The following TTN variants were observed in gnomAD, a reference collection of about 807,000 sequenced individuals.
The protein encoded by TTN is titin.
In TTN, 1,525 loss-of-function variants were observed where a neutral mutation model predicts 3,223.0. The observed-to-expected ratio is 0.47, with a 90% CI of 0.45 to 0.49. The LOEUF is 0.49. Among genes scored for constraint, TTN ranks in the 20% least tolerant of loss-of-function variants. TTN has a pLI of 0.00. For missense variants in TTN, 40,786 were observed against 43,424.0 expected (o/e 0.94, Z 5.40); for synonymous variants, 14,094 against 15,161.0 (o/e 0.93, Z 5.17).
At chr2:178,730,845 TTTTTG>T (rs2080337806) in intron 60 of TTN, 53 bp from the exon 61 acceptor site, 2 of 1,525,972 alleles carry the variant, frequency 1.3e-6, no homozygotes, top group African/African-American at 2.9e-5. Flanking sequence ...TACTAATTTG[TTTTTG>T]TTTTTTTTTT....
At chr2:178,652,574 G>A (rs1415475700) in intron 201 of TTN, 33 bp from the exon 202 acceptor site, 8 of 1,612,270 alleles carry the variant, frequency 5.0e-6, no homozygotes, top group Non-Finnish European at 6.8e-6. Context: ...ACATTTAGAA[G>A]TTATGAAGAC....
In TTN at chr2:178,577,711, G is replaced by A; in HGVS notation, c.68715C>T (p.Asp22905=). ...NVPECAFTVT[D]LVEGGKYEFR... Reference sequence around the variant, plus strand: ...ATTCATATTTTCCACCCTCAACAAGGTCAGTTACAGTAAAGGCACATTCTG... The same window carrying A: ...ATTCATATTTTCCACCCTCAACAAGATCAGTTACAGTAAAGGCACATTCTG... Residue 22905 remains aspartate (D), a synonymous_variant, in exon 323 of 363, where the codon GAC becomes GAT. Transcript: ENST00000589042. 6.2e-7 allele frequency: 1 copy of A among 1,613,282 alleles called. No individual in the cohort carries two copies. Among genetic ancestry groups the A allele is most frequent in the Non-Finnish European group, 8.5e-7 (1 of 1,179,554 alleles).
rs2057387572 is a variant in TTN, at chr2:178,616,615, G to A, written c.48176C>T (p.Pro16059Leu). 1 of 1,611,822 alleles carries A rather than the reference G, an allele frequency of 6.2e-7. No homozygotes were observed. Among genetic ancestry groups the A allele is most frequent in the African/African-American group, 1.3e-5 (1 of 74,680 alleles). Reference protein sequence around the residue: ...DVNVIARPSAPKELKFGDITK... With the variant: ...DVNVIARPSALKELKFGDITK... ...TATATCACCAAATTTCAATTCTTTG[G>A]GTGCACTTGGGCGAGCTGAAAAAAA... Residue 16059 changes from proline (P) to leucine (L), a missense_variant, in exon 257 of 363, where the codon CCC becomes CTC. By Grantham distance (98) the Pro-to-Leu change is moderately conservative. Transcript: ENST00000589042.
Position 178,725,593 on chromosome 2 carries a change from C to T in TTN, c.20611G>A (p.Ala6871Thr), listed in dbSNP as rs745807060. 1.2e-6 allele frequency: 2 copies of T among 1,610,808 alleles called. No individual in the cohort carries two copies. Among genetic ancestry groups the T allele is most frequent in the African/African-American group, 2.7e-5 (2 of 74,778 alleles). Residue 6871 changes from alanine to threonine, a missense_variant, in exon 71 of 363, where the codon GCT becomes ACT. Ala to Thr is a moderately conservative substitution (Grantham distance 58). Transcript: ENST00000589042. ...CCTTCTATGGATGCTTGTAATTCAG[C>T]AGGCTCTCCGGCTACAACAGTGAGG... Reference protein sequence around the residue: ...NSLTVVAGEPAELQASIEGAQ... With the variant: ...NSLTVVAGEPTELQASIEGAQ...
At chr2:178,599,949 G>T in intron 288 of TTN, 99 bp from the exon 289 acceptor site, 1 of 1,151,084 alleles carries the variant, frequency 8.7e-7, no homozygotes, top group Non-Finnish European at 1.2e-6. Flanking sequence ...TCCACTGTAG[G>T]CAGACTTTGT....
At position 178,528,976 on chromosome 2, in the gene TTN, T is replaced by G. The variant is rs1464656904; in HGVS notation, c.106775A>C (p.Glu35592Ala). 6.2e-7 allele frequency: 1 copy of G among 1,614,002 alleles called. No individual in the cohort carries two copies. The highest frequency in any genetic ancestry group is 2.2e-5 in the East Asian group (1 of 44,880). ...TGATGCCTGTGATGTTTTAGTGATT[T>G]CCTCATGGACAATGGATTTTTCCAG... ...TSLEKSIVHE[E>A]ITKTSQASEE... The change falls in exon 360 of 363, where the codon GAA (glutamate) becomes GCA (alanine). Residue 35592 changes from glutamate (E) to alanine (A), a missense_variant. Transcript: ENST00000589042.
In TTN at chr2:178,570,649, C is replaced by G. The variant is rs1707854232; in HGVS notation, c.75483G>C (p.Lys25161Asn). 6 of 1,613,476 alleles carry G rather than the reference C, an allele frequency of 3.7e-6. No individual in the cohort carries two copies. The highest frequency in any genetic ancestry group is 1.1e-5 in the South Asian group (1 of 91,072). The change falls in exon 326 of 363, where the codon AAG becomes AAC. Residue 25161 changes from lysine to asparagine, a missense_variant. Physicochemically the swap from Lys to Asn is moderately conservative, Grantham distance 94. Transcript: ENST00000589042. Reference protein sequence around the residue: ...ELSNTARLEIKSTDFATSLSV... With the variant: ...ELSNTARLEINSTDFATSLSV... ...TGAGACTGGTGGCAAAGTCGGTGCT[C>G]TTTATTTCTAATCGAGCTGTGTTTG...
Position 178,567,134 on chromosome 2 carries a change from G to T in TTN, c.78998C>A (p.Ala26333Asp). The change falls in exon 326 of 363, where the codon GCC becomes GAC. Residue 26333 changes from alanine (A) to aspartate (D), a missense_variant. Physicochemically the swap from Ala to Asp is moderately radical, Grantham distance 126. Transcript: ENST00000589042. ...VVEKRETSRL[A>D]WTVVASEVVT... ...AACTTCTGAAGCAACAACAGTCCAG[G>T]CAAGTCGACTGGTTTCTCGCTTTTC... 1.2e-6 allele frequency: 2 copies of T among 1,613,510 alleles called. No homozygotes were observed. The highest frequency in any genetic ancestry group is 2.2e-5 in the South Asian group (2 of 91,068).
In TTN at chr2:178,799,695, T is replaced by C. The variant is rs767251590; in HGVS notation, c.706A>G (p.Thr236Ala). The change falls in exon 6 of 363, where the codon ACA becomes GCA. Residue 236 changes from threonine (T) to alanine (A), a missense_variant. By Grantham distance (58) the Thr-to-Ala change is moderately conservative. Transcript: ENST00000589042. ...EAHFDARSIA[T>A]VEMVIDGAAG... ...GCACCATCTATGACCATCTCAACTG[T>C]TGCAATTGATCTGGCATCAAAGTGG... 1.1e-5 allele frequency: 17 copies of C among 1,614,160 alleles called. No individual in the cohort carries two copies. The highest frequency in any genetic ancestry group is 1.4e-5 in the Non-Finnish European group (17 of 1,180,022).
rs2049025749 is a variant in TTN, at chr2:178,586,531, C to T, written c.64370G>A (p.Gly21457Glu). 6.2e-7 allele frequency: 1 copy of T among 1,613,174 alleles called. No individual in the cohort carries two copies. The highest frequency in any genetic ancestry group is 8.5e-7 in the Non-Finnish European group (1 of 1,179,362). The change falls in exon 308 of 363, where the codon GGA becomes GAA. Residue 21457 changes from glycine to glutamate, a missense_variant. Physicochemically the swap from Gly to Glu is moderately conservative, Grantham distance 98. Coordinates refer to ENST00000589042, the MANE Select transcript of TTN (RefSeq NM_001267550.2). ...CAGTTGTTCTTTGGCTTCATACACT[C>T]CTTCAGCTTCTCTTGGCAAACTGAC... Reference protein sequence around the residue: ...VGVSLPREAEGVYEAKEQLLP... With the variant: ...VGVSLPREAEEVYEAKEQLLP...
In TTN at chr2:178,673,713, T is replaced by G; in HGVS notation, c.34709-3A>C. On this transcript the variant is annotated splice_region_variant and splice_polypyrimidine_tract_variant and intron_variant, in intron 151 of 362. Coordinates refer to ENST00000589042, the MANE Select transcript of TTN (RefSeq NM_001267550.2). ...TGCTTTCTTAATCACTTCAGGCACTTAAAAGAAATTTTATGAACATTTTGA... is the reference window on the plus strand; with the variant it reads ...TGCTTTCTTAATCACTTCAGGCACTGAAAAGAAATTTTATGAACATTTTGA... 1 of 1,584,864 alleles carries G rather than the reference T, an allele frequency of 6.3e-7. No homozygotes were observed. Among genetic ancestry groups the G allele is most frequent in the Non-Finnish European group, 8.5e-7 (1 of 1,169,736 alleles).
In TTN at chr2:178,543,183, CAG is replaced by C; in HGVS notation, c.96788_96789del (p.Thr32263SerfsTer6). 6.2e-7 allele frequency: 1 copy of C among 1,613,550 alleles called. No individual in the cohort carries two copies. The highest frequency in any genetic ancestry group is 1.3e-5 in the African/African-American group (1 of 74,968). ...TGTTCACCTTCATTTAAGGAAGTAA[CAG>C]TGTGCTCTAGGACTGTGGGTTTTAA... is the stretch of plus-strand genomic sequence containing the variant. ...VTLKPTVLEH[T>X]VTSLNEGEQY... On this transcript the variant is annotated frameshift_variant, in exon 347 of 363. Coordinates refer to ENST00000589042, the MANE Select transcript of TTN (RefSeq NM_001267550.2). LOFTEE classifies it high-confidence loss of function.
rs777351270 is a variant in TTN at position 178,555,029 on chromosome 2, T to A, written c.88430A>T (p.Asp29477Val). Reference protein sequence around the residue: ...KPAPTIEWYKDDKELQTNALV... With the variant: ...KPAPTIEWYKVDKELQTNALV... ...TGCATTGGTTTGTAATTCTTTATCA[T>A]CTTTATACCACTCAATAGTAGGCGC... Residue 29477 changes from aspartate (D) to valine (V), a missense_variant, in exon 331 of 363, where the codon GAT (aspartate) becomes GTT (valine). By Grantham distance (152) the Asp-to-Val change is radical (BLOSUM62 -3). Coordinates refer to ENST00000589042, the MANE Select transcript of TTN (RefSeq NM_001267550.2). 6.2e-7 allele frequency: 1 copy of A among 1,613,764 alleles called. No individual in the cohort carries two copies. Among genetic ancestry groups the A allele is most frequent in the South Asian group, 1.1e-5 (1 of 91,070 alleles).
chr2:178,771,500 T>C, intron 33 of TTN, 29 bp from the exon 34 acceptor site: 1 of 1,613,670 alleles, frequency 6.2e-7, no homozygotes, highest in Non-Finnish European at 8.5e-7. Flanking sequence ...ACAGTATGAG[T>C]CCTTTAAACA....
rs1707280961 is a variant in TTN, at chr2:178,569,396, T to C, written c.76736A>G (p.Tyr25579Cys). ...ACTGCTGTTTTCTAATGTAAGCGTA[T>C]ATTTTCCACTATCATATCGGTTGAC... ...DNVNRYDSGK[Y>C]TLTLENSSGT... The change falls in exon 326 of 363, where the codon TAT (tyrosine) becomes TGT (cysteine). Residue 25579 changes from tyrosine to cysteine, a missense_variant. Physicochemically the swap from Tyr to Cys is radical, Grantham distance 194. Transcript: ENST00000589042. 5 of 1,613,262 alleles carry C rather than the reference T, an allele frequency of 3.1e-6. No homozygotes were observed. In the African/African-American group the frequency reaches 4.0e-5, roughly 13 times the overall value.
At chr2:178,654,143 T>C (rs1284916320) in intron 193 of TTN, 48 bp from the exon 194 acceptor site, 1 of 1,594,384 alleles carries the variant, frequency 6.3e-7, no homozygotes, top group Non-Finnish European at 8.5e-7. Flanking sequence ...CGAAGGTATA[T>C]ATTACAGTGA....
chr2:178,639,690 GATAA>G lies in TTN; in HGVS notation c.40876+5_40876+8del. ...CAAACTAGCAAAAAGAAAGCTACAG[GATAA>G]ATACCTGCTTTCTTTCCAACCACTG... On this transcript the variant is annotated splice_donor_5th_base_variant and intron_variant, in intron 223 of 362. Coordinates refer to ENST00000589042, the MANE Select transcript of TTN (RefSeq NM_001267550.2). 2 of 1,611,106 alleles carry G rather than the reference GATAA, an allele frequency of 1.2e-6. No homozygotes were observed. The highest frequency in any genetic ancestry group is 1.7e-6 in the Non-Finnish European group (2 of 1,178,224).
Position 178,756,802 on chromosome 2 carries a change from A to G in TTN, c.10679-5T>C, listed in dbSNP as rs764487369. On this transcript the variant is annotated splice_polypyrimidine_tract_variant and splice_region_variant and intron_variant, in intron 45 of 362. Coordinates refer to ENST00000589042, the MANE Select transcript of TTN (RefSeq NM_001267550.2). Reference sequence around the variant, plus strand: ...TTTGCCTATCTAGGGCTTGCACTGTATAATCAAGTGACAAGAAAAAGAAAA... The same window carrying G: ...TTTGCCTATCTAGGGCTTGCACTGTGTAATCAAGTGACAAGAAAAAGAAAA... 4 of 1,609,380 alleles carry G rather than the reference A, an allele frequency of 2.5e-6. No homozygotes were observed. The highest frequency in any genetic ancestry group is 3.4e-6 in the Non-Finnish European group (4 of 1,177,684).
At chr2:178,787,950 G>C (rs573753523) in intron 13 of TTN, among the ~76,000 whole-genome samples, 97 of 152,120 alleles carry the variant, frequency 6.4e-4, no homozygotes, top group Non-Finnish European at 1.3e-3. Flanking sequence ...TAAATGCTGA[G>C]AATAAATTTA....
Sources: gnomAD v4.1 joint callset for allele counts (sites outside exome capture counted in the v4.1 genomes callset) on GRCh38, gnomAD v4.1.1 for gene constraint, MANE v1.5 for transcripts, NCBI Gene and HGNC (gene_info 2026-07-23, HGNC 2026-07-21) for gene names.